The following USP32 variants were observed in gnomAD, a reference collection of about 807,000 sequenced individuals.
USP32 encodes ubiquitin specific peptidase 32, also known as ubiquitin carboxyl-terminal hydrolase 32.
In USP32, 59 loss-of-function variants were observed where a neutral mutation model predicts 204.8. The observed-to-expected ratio is 0.29, with a 90% CI of 0.23 to 0.36. The LOEUF (loss-of-function observed/expected upper bound fraction) is 0.36, where lower values mean the gene tolerates loss of function less well. Ranked by LOEUF, USP32 falls within the 10% of genes least tolerant of loss-of-function variation. The pLI, the probability that USP32 is intolerant of heterozygous loss-of-function variation, is 1.00. For missense variants in USP32, 1,160 were observed against 1,946.4 expected (o/e 0.60, Z 7.60); for synonymous variants, 517 against 678.4 (o/e 0.76, Z 3.70).
In USP32 at chr17:60,301,616, T is replaced by C; in HGVS notation, c.275A>G (p.Asp92Gly). 1.3e-6 allele frequency: 2 copies of C among 1,589,986 alleles called. No homozygotes were observed. Among genetic ancestry groups the C allele is most frequent in the Non-Finnish European group, 1.7e-6 (2 of 1,173,376 alleles). The part of the protein sequence containing the change: ...VGLVLLTRGK[D>G]EEKAKYIFSL... Reference sequence around the variant, plus strand: ...GTACTTACATTTTGCTTTCTCTTCATCTTTGCCTCTTGTAAGGAGGACAAG... The same window carrying C: ...GTACTTACATTTTGCTTTCTCTTCACCTTTGCCTCTTGTAAGGAGGACAAG... Residue 92 changes from aspartate to glycine, a missense_variant, in exon 3 of 34, where the codon GAT becomes GGT. Asp to Gly is a moderately conservative substitution (Grantham distance 94, BLOSUM62 -1). Coordinates refer to ENST00000300896, the MANE Select transcript of USP32 (RefSeq NM_032582.4).
At chr17:60,394,027 C>G (rs189116716), upstream of USP32, among the ~76,000 whole-genome samples, 194 of 152,318 alleles carry the variant, frequency 1.3e-3, 1 homozygote, top group African/African-American at 4.4e-3. Context: ...CAAACCAGAT[C>G]AGCAGCGTGG....
chr17:60,222,665 TG>T, intron 14 of USP32, 116 bp from the exon 15 acceptor site: 1 of 932,328 alleles, frequency 1.1e-6, no homozygotes, highest in Non-Finnish European at 1.5e-6. Context: ...TTCATGTTGC[TG>T]GAAAAACTTA....
intron 13 of USP32, among the ~76,000 whole-genome samples, chr17:60,225,175 G>A (rs534247786): frequency 2.0e-5 from 3 of 152,026 alleles, no homozygotes; most frequent in Non-Finnish European, 2.9e-5. Flanking sequence ...GAAAATAGCC[G>A]CATGTGATGG....
intron 11 of USP32, among the ~76,000 whole-genome samples, chr17:60,239,396 A>G (rs1323280104): frequency 6.6e-6 from 1 of 152,154 alleles, no homozygotes; most frequent in Non-Finnish European, 1.5e-5. Flanking sequence ...TAGGACAATT[A>G]TTTCTTCAAA....
intron 11 of USP32, chr17:60,249,847 G>A (rs1449138387): frequency 8.2e-6 from 5 of 612,232 alleles, no homozygotes; most frequent in South Asian, 5.6e-5. Context: ...CAGAAATCAC[G>A]ATACTTTTTT....
chr17:60,380,607 A>C (rs60900966), intron 1 of USP32, among the ~76,000 whole-genome samples: 6,826 of 152,226 alleles, frequency 0.045, 536 homozygotes, highest in African/African-American at 0.15. Context: ...GAAGAGCATA[A>C]TAATTAGCCC....
At chr17:60,407,731 G>A (rs945593023) in intron 1 of USP32, among the ~76,000 whole-genome samples, 2 of 140,988 alleles carry the variant, frequency 1.4e-5, no homozygotes, top group African/African-American at 2.7e-5. Context: ...ACAGTGAGCC[G>A]AGATTAAGCC....
intron 11 of USP32, among the ~76,000 whole-genome samples, chr17:60,237,911 T>C (rs1004645605): frequency 6.6e-6 from 1 of 152,200 alleles, no homozygotes; most frequent in Non-Finnish European, 1.5e-5. Flanking sequence ...AGTATTTGAG[T>C]ACCTGTTTTC....
chr17:60,303,313 T>A (rs1268710663), intron 2 of USP32, among the ~76,000 whole-genome samples: 1 of 152,054 alleles, frequency 6.6e-6, no homozygotes, highest in African/African-American at 2.4e-5. Context: ...GAAAACATAA[T>A]GGCCCCAGAC....
intron 18 of USP32, among the ~76,000 whole-genome samples, chr17:60,213,220 C>T (rs2085017821): frequency 6.6e-6 from 1 of 152,176 alleles, no homozygotes; most frequent in Non-Finnish European, 1.5e-5. Context: ...AAAGCCTGTG[C>T]TACTAACTAT....
At chr17:60,188,631 A>AT (rs2084305081) in intron 29 of USP32, among the ~76,000 whole-genome samples, 1 of 152,232 alleles carries the variant, frequency 6.6e-6, no homozygotes, top group Non-Finnish European at 1.5e-5. Context: ...TGAGACAAAT[A>AT]TAAGTTGTTA....
At chr17:60,313,588 G>T (rs1158174467) in intron 2 of USP32, among the ~76,000 whole-genome samples, 1 of 151,840 alleles carries the variant, frequency 6.6e-6, no homozygotes, top group Non-Finnish European at 1.5e-5. Flanking sequence ...CAACTACCAG[G>T]GATTAGAAAG....
intron 11 of USP32, among the ~76,000 whole-genome samples, chr17:60,237,090 G>T (rs921389805): frequency 1.3e-5 from 2 of 150,808 alleles, no homozygotes; most frequent in South Asian, 2.1e-4. Context: ...TGTTACACTG[G>T]GATTATAAAA....
chr17:60,226,351 T>C lies in USP32; in HGVS notation c.1240-120A>G, dbSNP rs1053954495. On this transcript the variant is annotated intron_variant, in intron 12 of 33. Transcript: ENST00000300896. ...AGTCTCCTGTGGTTGGCCACAGACATTTAAAAACATTCTAATACATAGCTA... is the reference window on the plus strand; with the variant it reads ...AGTCTCCTGTGGTTGGCCACAGACACTTAAAAACATTCTAATACATAGCTA... The C allele has an allele frequency of 8.3e-6, 7 of 843,604 alleles. No individual in the cohort carries two copies. In the African/African-American group the frequency reaches 1.3e-4, roughly 15 times the overall value. 52.3% of individuals were successfully genotyped at this position (843,604 alleles called of 1,614,324 possible). A position where few individuals can be genotyped will look rare whatever the true frequency, so the allele number is the denominator to read the frequency against.
At chr17:60,225,967 AAAAG>A in intron 13 of USP32, 68 bp downstream of exon 13, 9 of 1,455,560 alleles carry the variant, frequency 6.2e-6, no homozygotes, top group Non-Finnish European at 8.2e-6. Flanking sequence ...AAAAAAAAAA[AAAAG>A]AAAAGAAAAG....
At chr17:60,413,316 G>A (rs2090032937) in intron 1 of USP32, among the ~76,000 whole-genome samples, 1 of 152,106 alleles carries the variant, frequency 6.6e-6, no homozygotes, top group Non-Finnish European at 1.5e-5. Flanking sequence ...GTGAAAGAAA[G>A]TGAGGACTTT....
chr17:60,190,767 T>A (rs1250287159), intron 28 of USP32, 84 bp from the exon 29 acceptor site: 10 of 1,534,420 alleles, frequency 6.5e-6, no homozygotes, highest in African/African-American at 1.4e-5. Context: ...TCTCCCTTCC[T>A]ACTTTTCTGC....
At chr17:60,326,405 G>A (rs2088240648) in intron 2 of USP32, among the ~76,000 whole-genome samples, 1 of 151,902 alleles carries the variant, frequency 6.6e-6, no homozygotes, top group Admixed American at 6.6e-5. Flanking sequence ...CCGCCTCCTA[G>A]GTTCAAGCGA....
intron 3 of USP32, among the ~76,000 whole-genome samples, chr17:60,295,586 T>A (rs2087407732): frequency 6.6e-6 from 1 of 152,234 alleles, no homozygotes; most frequent in Non-Finnish European, 1.5e-5. Context: ...GGGACCTGAA[T>A]GATCCTGTTG....
Sources: allele counts gnomAD v4.1 joint callset (sites outside exome capture counted in the v4.1 genomes callset), GRCh38; gene constraint gnomAD v4.1.1; transcripts MANE v1.5; gene names NCBI Gene and HGNC (gene_info 2026-07-23, HGNC 2026-07-21).